Variants in KCNQ1OT1 observed in about 807,000 individuals in gnomAD.
The protein encoded by KCNQ1OT1 is KCNQ1 antisense RNA 2 (non-protein coding).
In KCNQ1OT1 at chr11:2,664,121, C is replaced by T. The variant is rs1181922962; in HGVS notation, n.35874G>A. 2.5e-6 allele frequency: 1 copy of T among 398,642 alleles called. No individual in the cohort carries two copies. The highest frequency in any genetic ancestry group is 2.1e-5 in the African/African-American group (1 of 48,730). 24.7% of individuals were successfully genotyped at this position (398,642 alleles called of 1,614,324 possible). On this transcript the variant is annotated non_coding_transcript_exon_variant, in exon 1 of 1. Transcript: ENST00000597346. The surrounding 1 kb of genome is among the most constrained non-coding windows in gnomAD (Gnocchi z 5.1). ...AGTCATTACCCAACCAGGTCCCTGCCCTGTAACTTACCAAGGCCTCTCTCA... is the reference window on the plus strand; with the variant it reads ...AGTCATTACCCAACCAGGTCCCTGCTCTGTAACTTACCAAGGCCTCTCTCA...
chr11:2,667,875 A>G, exon 1 of KCNQ1OT1: 1 of 398,654 alleles, frequency 2.5e-6, no homozygotes, highest in Non-Finnish European at 4.4e-6. Context: ...ATTAGTACAC[A>G]GGTCTCAAGT....
exon 1 of KCNQ1OT1, chr11:2,686,795 A>G: frequency 2.5e-6 from 1 of 398,684 alleles, no homozygotes; most frequent in East Asian, 3.6e-5. Flanking sequence ...ATGCACAAGC[A>G]GCCCCTGCTC....
chr11:2,643,468 G>A (rs1849611036), exon 1 of KCNQ1OT1: 1 of 398,260 alleles, frequency 2.5e-6, no homozygotes, highest in Non-Finnish European at 4.4e-6. Flanking sequence ...TGAAAGTATA[G>A]CTACTCCTGT....
At chr11:2,697,394 A>G in exon 1 of KCNQ1OT1, 5 of 398,594 alleles carry the variant, frequency 1.3e-5, no homozygotes, top group Non-Finnish European at 2.2e-5. Flanking sequence ...TTTTTCTTGT[A>G]TTAGGGTATG....
chr11:2,681,366 T>G (rs1179809639), exon 1 of KCNQ1OT1: 1 of 398,320 alleles, frequency 2.5e-6, no homozygotes, highest in Non-Finnish European at 4.4e-6. Flanking sequence ...GCTCACTCCA[T>G]GTGGAGGATG....
Position 2,661,820 on chromosome 11 carries a change from T to A in KCNQ1OT1, n.38175A>T. 6.1e-6 allele frequency: 6 copies of A among 987,688 alleles called. No individual in the cohort carries two copies. Among genetic ancestry groups the A allele is most frequent in the South Asian group, 1.3e-5 (1 of 74,514 alleles). 61.2% of individuals were successfully genotyped at this position (987,688 alleles called of 1,614,324 possible). A position where few individuals can be genotyped will look rare whatever the true frequency, so the allele number is the denominator to read the frequency against. ...ACACCCACCCACCCCAACACCCAAC[T>A]ATAAAACTGATTGTCAGGGCTGGAG... On this transcript the variant is annotated non_coding_transcript_exon_variant, in exon 1 of 1. Coordinates refer to ENST00000597346, the Ensembl canonical transcript of KCNQ1OT1. The surrounding 1 kb of genome is among the most constrained non-coding windows in gnomAD (Gnocchi z 5.9).
chr11:2,681,317 C>T, exon 1 of KCNQ1OT1: 3 of 398,528 alleles, frequency 7.5e-6, no homozygotes, highest in Non-Finnish European at 8.8e-6. Flanking sequence ...GGTTCTCTGT[C>T]TCTCTCCAAC....
chr11:2,699,426 G>A (rs948556749), exon 1 of KCNQ1OT1: 3 of 400,516 alleles, frequency 7.5e-6, no homozygotes, highest in African/African-American at 6.6e-5. Context: ...CCGCGCTGAG[G>A]AGAGTCTGGG....
exon 1 of KCNQ1OT1, chr11:2,634,295 A>G (rs1849415228): frequency 3.0e-6 from 1 of 330,338 alleles, no homozygotes; most frequent in East Asian, 4.5e-5. Flanking sequence ...CCTTAGGTAT[A>G]TCTCCTAATG....
rs1015422531 is a variant in KCNQ1OT1, at chr11:2,640,182, C to T, written n.59813G>A. On this transcript the variant is annotated non_coding_transcript_exon_variant, in exon 1 of 1. Transcript: ENST00000597346. ...GGTGAGGCGATGCCTCGCCCTACTTCGTCTCACACTCAGTGGGCTGCACCC... is the reference window on the plus strand; with the variant it reads ...GGTGAGGCGATGCCTCGCCCTACTTTGTCTCACACTCAGTGGGCTGCACCC... 1.1e-4 allele frequency: 42 copies of T among 387,306 alleles called. No homozygotes were observed. In the East Asian group the frequency reaches 1.1e-3, roughly 10 times the overall value. 24.0% of individuals were successfully genotyped at this position (387,306 alleles called of 1,614,324 possible).
rs979211461 is a variant in KCNQ1OT1, at chr11:2,664,845, T to C, written n.35150A>G. The C allele has an allele frequency of 1.0e-5, 4 of 398,542 alleles. No homozygotes were observed. Among genetic ancestry groups the C allele is most frequent in the Non-Finnish European group, 1.8e-5 (4 of 226,072 alleles). 24.7% of individuals were successfully genotyped at this position (398,542 alleles called of 1,614,324 possible). A position where few individuals can be genotyped will look rare whatever the true frequency, so the allele number is the denominator to read the frequency against. On this transcript the variant is annotated non_coding_transcript_exon_variant, in exon 1 of 1. Coordinates refer to ENST00000597346, the Ensembl canonical transcript of KCNQ1OT1. This position sits in a 1 kb window ranked among gnomAD's most constrained non-coding sequence, Gnocchi z 5.1. The stretch of plus-strand genomic sequence containing the variant: ...TCTACTGATGTTAAATGTATTACCA[T>C]GCTGGGCCAGTTCCAGAATTCAAAT...
Position 2,652,328 on chromosome 11 carries a change from A to C in KCNQ1OT1, n.47667T>G. The stretch of plus-strand genomic sequence containing the variant: ...TTGCTTTGATTATTGTGTGAAGTTA[A>C]GAACTGGCACATTTCCGCGATGTTG... On this transcript the variant is annotated non_coding_transcript_exon_variant, in exon 1 of 1. Transcript: ENST00000597346. This position sits in a 1 kb window ranked among gnomAD's most constrained non-coding sequence, Gnocchi z 5.9. 2.5e-6 allele frequency: 1 copy of C among 398,672 alleles called. No homozygotes were observed. The highest frequency in any genetic ancestry group is 3.6e-5 in the East Asian group (1 of 28,074). 24.7% of individuals were successfully genotyped at this position (398,672 alleles called of 1,614,324 possible).
chr11:2,662,191 C>T (rs146846031), exon 1 of KCNQ1OT1: 5 of 1,464,052 alleles, frequency 3.4e-6, no homozygotes, highest in South Asian at 2.5e-5. Context: ...TATCTACTCG[C>T]CTAGTGCCCA....
rs1308171860 is a variant in KCNQ1OT1 at position 2,662,206 on chromosome 11, T to G, written n.37789A>C. The G allele has an allele frequency of 7.4e-6, 10 of 1,349,252 alleles. No homozygotes were observed. The East Asian group carries it at 2.3e-4, about 31-fold the overall frequency. The allele number at this position is 1,349,252 out of a possible 1,614,324, so 83.6% of individuals were successfully genotyped here. On this transcript the variant is annotated non_coding_transcript_exon_variant, in exon 1 of 1. Coordinates refer to ENST00000597346, the Ensembl canonical transcript of KCNQ1OT1. ...TATCTACTCGCCTAGTGCCCACCAC[T>G]TGCCGTCTGCCTGGCCCCAACACGG...
At chr11:2,675,659 G>T (rs2073955) in exon 1 of KCNQ1OT1, 5,582 of 398,608 alleles carry the variant, frequency 0.014, 188 homozygotes, top group East Asian at 0.094. Context: ...CTAGGAGCCC[G>T]CCCAGGGCCT....
In KCNQ1OT1 at chr11:2,661,181, A is replaced by C; in HGVS notation, n.38814T>G. Reference sequence around the variant, plus strand: ...CAGTTAACACTGATGACCTTGGGGGAGGAAAGCCATTGTGAATCTTTGAAT... The same window carrying C: ...CAGTTAACACTGATGACCTTGGGGGCGGAAAGCCATTGTGAATCTTTGAAT... On this transcript the variant is annotated non_coding_transcript_exon_variant, in exon 1 of 1. Transcript: ENST00000597346. This position sits in a 1 kb window ranked among gnomAD's most constrained non-coding sequence, Gnocchi z 5.9. The C allele has an allele frequency of 2.5e-6, 1 of 398,594 alleles. No homozygotes were observed. Among genetic ancestry groups the C allele is most frequent in the Non-Finnish European group, 4.4e-6 (1 of 226,102 alleles). 24.7% of individuals were successfully genotyped at this position (398,594 alleles called of 1,614,324 possible). A position where few individuals can be genotyped will look rare whatever the true frequency, so the allele number is the denominator to read the frequency against.
exon 1 of KCNQ1OT1, chr11:2,694,742 GA>G (rs1850646255): frequency 2.5e-6 from 1 of 398,530 alleles, no homozygotes; most frequent in Non-Finnish European, 4.4e-6. Context: ...CAAATAAGTA[GA>G]TGTCTAAGGA....
chr11:2,652,535 A>G lies in KCNQ1OT1; in HGVS notation n.47460T>C. 2.5e-6 allele frequency: 1 copy of G among 398,584 alleles called. No homozygotes were observed. The highest frequency in any genetic ancestry group is 3.6e-5 in the East Asian group (1 of 28,070). The allele number at this position is 398,584 out of a possible 1,614,324, so 24.7% of individuals were successfully genotyped here. A position where few individuals can be genotyped will look rare whatever the true frequency, so the allele number is the denominator to read the frequency against. Reference sequence around the variant, plus strand: ...CCTGTGAGCTCAACTCTTGGAGAAGATAGTGCTTAACCCAGATTCCATTGT... The same window carrying G: ...CCTGTGAGCTCAACTCTTGGAGAAGGTAGTGCTTAACCCAGATTCCATTGT... On this transcript the variant is annotated non_coding_transcript_exon_variant, in exon 1 of 1. Transcript: ENST00000597346. This position sits in a 1 kb window ranked among gnomAD's most constrained non-coding sequence, Gnocchi z 5.9.
rs7129523 is a variant in KCNQ1OT1, at chr11:2,625,287, G to T, written n.74708C>A. ...TTTTTTTGAGACAAGATCTGGCTCTGTCACTTAGGCTGGAATGCAGTGGCA... is the reference window on the plus strand; with the variant it reads ...TTTTTTTGAGACAAGATCTGGCTCTTTCACTTAGGCTGGAATGCAGTGGCA... On this transcript the variant is annotated non_coding_transcript_exon_variant, in exon 1 of 1. Coordinates refer to ENST00000597346, the Ensembl canonical transcript of KCNQ1OT1. 0.88 allele frequency: 351,851 copies of T among 398,524 alleles called. 156,155 individuals carry two copies. Among genetic ancestry groups the T allele is most frequent in the East Asian group, 0.99 (27,864 of 28,064 alleles). The allele number at this position is 398,524 out of a possible 1,614,324, so 24.7% of individuals were successfully genotyped here. A position where few individuals can be genotyped will look rare whatever the true frequency, so the allele number is the denominator to read the frequency against.
Sources: allele counts gnomAD v4.1 joint callset, GRCh38; gene constraint gnomAD v4.1.1; non-coding constraint Gnocchi (gnomAD v3.1); transcripts MANE v1.5; gene names NCBI Gene and HGNC (gene_info 2026-07-23, HGNC 2026-07-21).